Variants in ARHGAP18 observed in about 807,000 individuals in gnomAD.
ARHGAP18 encodes Rho GTPase activating protein 18.
In ARHGAP18, 67 loss-of-function variants were observed where a neutral mutation model predicts 86.2. That is an observed-to-expected ratio of 0.78 (90% CI 0.64 to 0.95). The LOEUF (loss-of-function observed/expected upper bound fraction) is 0.95, where lower values mean the gene tolerates loss of function less well. Ranked by LOEUF, ARHGAP18 falls within the 40% of genes least tolerant of loss-of-function variation. The probability of loss-of-function intolerance (pLI) is 0.00; values close to 1 mark genes in which losing one functional copy is unlikely to be tolerated. For synonymous variants in ARHGAP18, 283 were observed against 280.4 expected, an observed-to-expected ratio of 1.01 and a Z score of -0.09; for missense variants, 691 against 780.4, an observed-to-expected ratio of 0.89 and a Z score of 1.37.
intron 1 of ARHGAP18, among the ~76,000 whole-genome samples, chr6:129,687,436 C>A (rs1430180831): frequency 6.6e-6 from 1 of 152,098 alleles, no homozygotes; most frequent in African/African-American, 2.4e-5. Context: ...CACAACAACC[C>A]TTTTCTTCTT....
chr6:129,582,724 G>C (rs985045346), intron 13 of ARHGAP18, among the ~76,000 whole-genome samples: 8 of 152,186 alleles, frequency 5.3e-5, no homozygotes, highest in African/African-American at 1.9e-4. Context: ...CAGCCAGTGT[G>C]GAGAATGGTT....
intron 3 of ARHGAP18, among the ~76,000 whole-genome samples, chr6:129,637,701 T>C (rs938926651): frequency 1.3e-5 from 2 of 152,180 alleles, no homozygotes; most frequent in African/African-American, 4.8e-5. Context: ...CTGTAACCAA[T>C]CTCGCTGTTT....
chr6:129,599,165 T>TA (rs755014075), intron 12 of ARHGAP18, 51 bp downstream of exon 12: 13 of 1,083,426 alleles, frequency 1.2e-5, no homozygotes, highest in Non-Finnish European at 1.5e-5. Flanking sequence ...ATTTTGGTAT[T>TA]AAAAAAATAC....
chr6:129,642,990 A>T (rs754188032), intron 1 of ARHGAP18, among the ~76,000 whole-genome samples: 29 of 152,290 alleles, frequency 1.9e-4, no homozygotes, highest in Non-Finnish European at 2.4e-4. Context: ...ATCTATGAAG[A>T]ATAAATTGAA....
chr6:129,663,751 A>C (rs1204034362), intron 1 of ARHGAP18, among the ~76,000 whole-genome samples: 1 of 152,222 alleles, frequency 6.6e-6, no homozygotes, highest in Admixed American at 6.5e-5. Context: ...CCAACCCACT[A>C]ATCTTTTGGC....
intron 1 of ARHGAP18, among the ~76,000 whole-genome samples, chr6:129,650,746 C>T (rs1017915348): frequency 6.6e-6 from 1 of 152,128 alleles, no homozygotes; most frequent in Admixed American, 6.6e-5. Context: ...TCTCCAGGAC[C>T]CTCTATCTTT....
chr6:129,605,945 T>G lies in ARHGAP18; in HGVS notation c.1297A>C (p.Lys433Gln). ...FQAVQNLPTKKQQLQALNLLV... is the reference protein window; with the variant it reads ...FQAVQNLPTKQQQLQALNLLV... The stretch of plus-strand genomic sequence containing the variant: ...AGGTTCAAAGCCTGTAGTTGCTGCT[T>G]CTTGGTTGGAAGATCTGCAGACAAA... Residue 433 changes from lysine to glutamine, a missense_variant, in exon 10 of 15, where the codon AAG (lysine) becomes CAG (glutamine). Physicochemically the swap from Lys to Gln is moderately conservative, Grantham distance 53 (BLOSUM62 1). Transcript: ENST00000368149. 6.2e-7 allele frequency: 1 copy of G among 1,613,504 alleles called. No homozygotes were observed.
In ARHGAP18 at chr6:129,699,621, T is replaced by C. The variant is rs571582716; in HGVS notation, c.113+10403A>G. Among the ~76,000 whole-genome samples, 19 of 152,350 alleles carry C rather than the reference T, an allele frequency of 1.2e-4. No individual in the cohort carries two copies. The South Asian group carries it at 3.7e-3, about 30-fold the overall frequency. ...ATTAATCCATAATATGGTAGAATTA[T>C]AGAATGAATATCTCCATGGAATTTA... On this transcript the variant is annotated intron_variant, in intron 1 of 14. Transcript: ENST00000368149.
At chr6:129,668,748 C>T (rs745399302) in intron 1 of ARHGAP18, among the ~76,000 whole-genome samples, 2 of 152,190 alleles carry the variant, frequency 1.3e-5, no homozygotes, top group Non-Finnish European at 2.9e-5. Context: ...GAACGTCCTC[C>T]ACTCGATCTC....
chr6:129,657,675 T>G (rs1773867968), intron 1 of ARHGAP18, among the ~76,000 whole-genome samples: 1 of 152,190 alleles, frequency 6.6e-6, no homozygotes, highest in South Asian at 2.1e-4. Context: ...TGAGTGCTTA[T>G]TCCTCAAAAA....
At position 129,629,464 on chromosome 6, in the gene ARHGAP18, G is replaced by A. The variant is rs138425497; in HGVS notation, c.675C>T (p.Ala225=). ...EKLIPPEETP[A]PETDINLEVS... is the part of the protein sequence containing the mutation. ...CCTCCAGGTTGATGTCTGTTTCAGG[G>A]GCAGGCGTCTCCTCAGGTGGGATCA... The change falls in exon 5 of 15, where the codon GCC becomes GCT. Residue 225 remains alanine (A), a synonymous_variant. Transcript: ENST00000368149. The A allele has an allele frequency of 3.7e-6, 6 of 1,613,670 alleles. No individual in the cohort carries two copies. The highest frequency in any genetic ancestry group is 2.7e-5 in the African/African-American group (2 of 74,814).
intron 10 of ARHGAP18, among the ~76,000 whole-genome samples, chr6:129,604,574 G>A (rs889311501): frequency 6.6e-6 from 1 of 152,140 alleles, no homozygotes; most frequent in Non-Finnish European, 1.5e-5. Context: ...CTGAGGACAT[G>A]TTAGATCGTC....
At chr6:129,581,837 G>A (rs1245474333) in intron 13 of ARHGAP18, among the ~76,000 whole-genome samples, 1 of 152,136 alleles carries the variant, frequency 6.6e-6, no homozygotes, top group Non-Finnish European at 1.5e-5. Flanking sequence ...GAATGTGGTG[G>A]AAGAAATATA....
At chr6:129,671,179 C>G (rs1774134819) in intron 1 of ARHGAP18, among the ~76,000 whole-genome samples, 1 of 151,918 alleles carries the variant, frequency 6.6e-6, no homozygotes. Flanking sequence ...TATGCATATG[C>G]CCTTTATGAT....
chr6:129,695,740 C>A (rs1414819598), intron 1 of ARHGAP18, among the ~76,000 whole-genome samples: 1 of 152,096 alleles, frequency 6.6e-6, no homozygotes, highest in Non-Finnish European at 1.5e-5. Flanking sequence ...ATTAAGTCCC[C>A]ACAAAAACAG....
chr6:129,598,482 A>T (rs896267724), intron 12 of ARHGAP18, among the ~76,000 whole-genome samples: 3 of 152,314 alleles, frequency 2.0e-5, no homozygotes, highest in Middle Eastern at 3.4e-3. Context: ...AGTAGGGAGG[A>T]GGTGGATTCA....
intron 7 of ARHGAP18, among the ~76,000 whole-genome samples, chr6:129,614,748 A>ATTT (rs10556070): frequency 1.5e-4 from 20 of 131,550 alleles, no homozygotes; most frequent in East Asian, 6.6e-4. Context: ...GCAGTGACAG[A>ATTT]TTTTTTTTTT....
chr6:129,636,266 C>T (rs1584074979), intron 3 of ARHGAP18, among the ~76,000 whole-genome samples: 1 of 152,210 alleles, frequency 6.6e-6, no homozygotes, highest in Middle Eastern at 3.4e-3. Context: ...GGACTTGATT[C>T]GAAATTGGTC....
intron 1 of ARHGAP18, among the ~76,000 whole-genome samples, chr6:129,706,885 C>CAAAAAAA (rs34099358): frequency 1.6e-5 from 1 of 61,020 alleles, no homozygotes; most frequent in Non-Finnish European, 3.0e-5. Context: ...GACTCTGTCT[C>CAAAAAAA]AAAAAAAAAA....
Sources: gnomAD v4.1 joint callset for allele counts (sites outside exome capture counted in the v4.1 genomes callset) on GRCh38, gnomAD v4.1.1 for gene constraint, MANE v1.5 for transcripts, NCBI Gene and HGNC (gene_info 2026-07-23, HGNC 2026-07-21) for gene names.